CFAP251: variants seen among roughly 807,000 people sequenced by gnomAD.
CFAP251 encodes cilia and flagella associated protein 251.
In CFAP251, 93 loss-of-function variants were observed where a neutral mutation model predicts 126.7. That is an observed-to-expected ratio of 0.73 (90% CI 0.62 to 0.87). The LOEUF (loss-of-function observed/expected upper bound fraction) is 0.87, where lower values mean the gene tolerates loss of function less well. CFAP251 is among the 40% of genes least tolerant of loss of function. The pLI, the probability that CFAP251 is intolerant of heterozygous loss-of-function variation, is 0.00. For missense variants in CFAP251, 1,287 were observed against 1,389.2 expected, an observed-to-expected ratio of 0.93 and a Z score of 1.17; for synonymous variants, 503 against 506.9, an observed-to-expected ratio of 0.99 and a Z score of 0.10.
chr12:121,974,439 G>A lies in CFAP251; in HGVS notation c.2772-805G>A, dbSNP rs1246274057. Reference sequence around the variant, plus strand: ...TCATTTTATAGTGGAGGACACTGATGCCAGGGGGGTTAAGTCACCTCCCCA... The same window carrying A: ...TCATTTTATAGTGGAGGACACTGATACCAGGGGGGTTAAGTCACCTCCCCA... On this transcript the variant is annotated intron_variant, in intron 17 of 21. Coordinates refer to ENST00000288912, the MANE Select transcript of CFAP251 (RefSeq NM_144668.6). This position sits in a 1 kb window ranked among gnomAD's most constrained non-coding sequence, Gnocchi z 4.6. 1.3e-5 allele frequency among the ~76,000 whole-genome samples: 2 copies of A among 152,184 alleles called. No homozygotes were observed. Among genetic ancestry groups the A allele is most frequent in the East Asian group, 3.8e-4 (2 of 5,198 alleles).
intron 12 of CFAP251, 58 bp downstream of exon 12, chr12:121,958,580 G>A: frequency 2.5e-6 from 4 of 1,600,774 alleles, no homozygotes; most frequent in Non-Finnish European, 3.4e-6. Flanking sequence ...GAAAGGGATG[G>A]ATGCACCTGG....
At chr12:121,923,111 C>CT (rs971545504) in intron 2 of CFAP251, among the ~76,000 whole-genome samples, 1 of 151,642 alleles carries the variant, frequency 6.6e-6, no homozygotes, top group African/African-American at 2.4e-5. Flanking sequence ...TTATCTTTTC[C>CT]TTTTCCCCCT....
chr12:121,923,981 G>A lies in CFAP251; in HGVS notation c.738G>A (p.Val246=). Residue 246 remains valine, a synonymous_variant, in exon 3 of 22, where the codon GTG becomes GTA. Coordinates refer to ENST00000288912, the MANE Select transcript of CFAP251 (RefSeq NM_144668.6). ...ILFQKDKSTP[V]YPLTMTWSFG... ...TTCAAAAGGATAAAAGCACCCCGGT[G>A]TATCCCTTGGTAAGTGTAATGCTTT... The A allele has an allele frequency of 6.2e-7, 1 of 1,604,442 alleles. No homozygotes were observed. Among genetic ancestry groups the A allele is most frequent in the South Asian group, 1.1e-5 (1 of 89,878 alleles).
At chr12:121,956,440 A>G (rs951972954) in intron 10 of CFAP251, among the ~76,000 whole-genome samples, 6 of 152,172 alleles carry the variant, frequency 3.9e-5, no homozygotes. Context: ...ATTGCCAGGT[A>G]TAAGTATGTC....
intron 13 of CFAP251, chr12:121,959,365 C>G: frequency 3.0e-6 from 1 of 334,286 alleles, no homozygotes; most frequent in South Asian, 6.1e-5. Context: ...CCCTGCGGGC[C>G]AGGAGTTTGA....
intron 7 of CFAP251, 127 bp from the exon 8 acceptor site, chr12:121,948,857 G>C: frequency 1.9e-6 from 1 of 539,852 alleles, no homozygotes; most frequent in Non-Finnish European, 3.2e-6. Context: ...TTTACGAAAT[G>C]CGGTATCTTT....
rs564242288 is a variant in CFAP251, at chr12:122,002,983, C to T, written c.3338-669C>T. ...AGGTCATTCCCAACCTGCAAGCTCT[C>T]CCTACCCCATTCCTTTATGTGCTTC... On this transcript the variant is annotated intron_variant, in intron 21 of 21. Coordinates refer to ENST00000288912, the MANE Select transcript of CFAP251 (RefSeq NM_144668.6). Among the ~76,000 whole-genome samples the T allele has an allele frequency of 2.8e-3, 419 of 152,290 alleles. 2 individuals carry two copies. Among genetic ancestry groups the T allele is most frequent in the African/African-American group, 9.5e-3 (396 of 41,564 alleles).
At chr12:121,998,888 T>TAA (rs1269938920) in intron 19 of CFAP251, 8 of 32,178 alleles carry the variant, frequency 2.5e-4, no homozygotes, top group African/African-American at 2.4e-3. Context: ...AGACCCTGTA[T>TAA]CAAAAAAAAA....
chr12:121,925,471 G>A (rs1019427307), intron 3 of CFAP251, among the ~76,000 whole-genome samples: 1 of 152,218 alleles, frequency 6.6e-6, no homozygotes, highest in Non-Finnish European at 1.5e-5. Context: ...GCAACTGTGT[G>A]TCATGACGAT....
At chr12:121,958,858 G>T in intron 12 of CFAP251, 85 bp from the exon 13 acceptor site, 1 of 1,461,442 alleles carries the variant, frequency 6.8e-7, no homozygotes. Context: ...TGTCTTCTCC[G>T]CACCCAGAAC....
At chr12:121,934,378 C>G in intron 5 of CFAP251, 22 bp downstream of exon 5, 1 of 1,566,696 alleles carries the variant, frequency 6.4e-7, no homozygotes, top group Non-Finnish European at 8.8e-7. Context: ...GTAGCCACTT[C>G]TTTTTTCCCT....
Position 121,974,882 on chromosome 12 carries a change from C to T in CFAP251, c.2772-362C>T, listed in dbSNP as rs188461484. On this transcript the variant is annotated intron_variant, in intron 17 of 21. Transcript: ENST00000288912. The surrounding 1 kb of genome is among the most constrained non-coding windows in gnomAD (Gnocchi z 4.6). ...CTGATCGTTCGTGGATCTAAAGTTA[C>T]GGGTAAGGCTGCTCTGTCTGGGAGG... 5.9e-5 allele frequency among the ~76,000 whole-genome samples: 9 copies of T among 152,260 alleles called. No individual in the cohort carries two copies. The highest frequency in any genetic ancestry group is 2.0e-4 in the Admixed American group (3 of 15,282).
At chr12:121,998,732 A>AAG (rs71082927) in intron 19 of CFAP251, 3 of 149,898 alleles carry the variant, frequency 2.0e-5, no homozygotes, top group Non-Finnish European at 4.5e-5. Context: ...CTAAAAAAAA[A>AAG]TACAAAAATT....
chr12:121,925,261 G>C (rs1003044819), intron 3 of CFAP251, among the ~76,000 whole-genome samples: 2 of 152,106 alleles, frequency 1.3e-5, no homozygotes, highest in African/African-American at 4.8e-5. Context: ...CATCTGCGAG[G>C]AGTAAAAATA....
chr12:121,960,206 T>C (rs1881881533), intron 13 of CFAP251, among the ~76,000 whole-genome samples: 1 of 152,164 alleles, frequency 6.6e-6, no homozygotes. Flanking sequence ...TAGACTAAGA[T>C]TATTTTTGAA....
chr12:121,937,941 G>A (rs536196480), intron 5 of CFAP251, among the ~76,000 whole-genome samples: 352 of 152,220 alleles, frequency 2.3e-3, no homozygotes, highest in Non-Finnish European at 3.6e-3. Context: ...TCCTTTCTAT[G>A]GCGGAATCAC....
chr12:121,927,196 T>TTC (rs1274084370), intron 3 of CFAP251, among the ~76,000 whole-genome samples: 1 of 151,812 alleles, frequency 6.6e-6, no homozygotes, highest in Non-Finnish European at 1.5e-5. Context: ...AGGTTTTTTT[T>TTC]TTTTTTTACC....
At chr12:121,937,387 TTAAC>T (rs1402294474) in intron 5 of CFAP251, among the ~76,000 whole-genome samples, 12 of 152,192 alleles carry the variant, frequency 7.9e-5, no homozygotes, top group East Asian at 1.9e-4. Flanking sequence ...CAACCTCATC[TTAAC>T]TAACTATGTC....
Position 121,989,224 on chromosome 12 carries a change from G to C in CFAP251, c.3007-10492G>C, listed in dbSNP as rs920888734. ...CCTTTGAAAACATTCACTGGGAAGG[G>C]AAGAGTCCCTGGAGGTGTTTGAGAC... On this transcript the variant is annotated intron_variant, in intron 19 of 21. Coordinates refer to ENST00000288912, the MANE Select transcript of CFAP251 (RefSeq NM_144668.6). The surrounding 1 kb of genome is among the most constrained non-coding windows in gnomAD (Gnocchi z 4.2). Among the ~76,000 whole-genome samples the C allele has an allele frequency of 1.3e-5, 2 of 152,244 alleles. No homozygotes were observed. The highest frequency in any genetic ancestry group is 3.8e-4 in the East Asian group (2 of 5,206).
Sources: allele counts gnomAD v4.1 joint callset (sites outside exome capture counted in the v4.1 genomes callset), GRCh38; gene constraint gnomAD v4.1.1; non-coding constraint Gnocchi (gnomAD v3.1); transcripts MANE v1.5; gene names NCBI Gene and HGNC (gene_info 2026-07-23, HGNC 2026-07-21).